ADAM22: variants seen among roughly 807,000 people sequenced by gnomAD.
ADAM22 encodes the protein ADAM metallopeptidase domain 22.
Under a neutral mutation model 144.6 loss-of-function variants are expected in ADAM22, and 65 were observed. The ratio of observed to expected loss-of-function variants is 0.45; its 90% CI spans 0.37 to 0.55. The LOEUF is 0.55. Among genes scored for constraint, ADAM22 ranks in the 20% least tolerant of loss-of-function variants. The probability of loss-of-function intolerance (pLI) is 0.00; values close to 1 mark genes in which losing one functional copy is unlikely to be tolerated. For synonymous variants in ADAM22, 391 were observed against 412.6 expected, an observed-to-expected ratio of 0.95 and a Z score of 0.63; for missense variants, 974 against 1,184.9, an observed-to-expected ratio of 0.82 and a Z score of 2.61.
At chr7:88,068,220 G>A (rs1057408410) in intron 3 of ADAM22, among the ~76,000 whole-genome samples, 22 of 152,062 alleles carry the variant, frequency 1.4e-4, no homozygotes, top group Admixed American at 1.4e-3. Flanking sequence ...GTGTTGGGGA[G>A]GGATTCAGAG....
At position 88,168,215 on chromosome 7, in the gene ADAM22, C is replaced by T. The variant is rs773391403; in HGVS notation, c.2270C>T (p.Ala757Val). Residue 757 changes from alanine (A) to valine (V), a missense_variant, in exon 25 of 32, where the codon GCG becomes GTG. Around this residue, in one of 2 missense-constraint regions of ADAM22, gnomAD observed 734 missense variants for 950.6 expected, o/e 0.77. Coordinates refer to ENST00000413139, the MANE Select transcript of ADAM22 (RefSeq NM_001324418.2). ...LVLALILGITAWGYKNYREQR... is the reference protein window; with the variant it reads ...LVLALILGITVWGYKNYREQR... ...CTGGCCCTCATATTAGGAATAACTG[C>T]GTGGGGTTATAAGTAAGTGAAATGT... The T allele has an allele frequency of 1.4e-5, 22 of 1,612,516 alleles. No individual in the cohort carries two copies. The highest frequency in any genetic ancestry group is 3.3e-5 in the Admixed American group (2 of 59,902).
intron 4 of ADAM22, among the ~76,000 whole-genome samples, chr7:88,102,625 T>G (rs946501740): frequency 6.6e-6 from 1 of 152,210 alleles, no homozygotes; most frequent in African/African-American, 2.4e-5. Context: ...CACGGAGTAT[T>G]TGTTACAATG....
chr7:88,189,606 G>A (rs1225981402), intron 30 of ADAM22, among the ~76,000 whole-genome samples: 1 of 152,172 alleles, frequency 6.6e-6, no homozygotes, highest in Non-Finnish European at 1.5e-5. Context: ...AAGTAGCAGA[G>A]TGGATACTGA....
rs1562916737 is a variant in ADAM22 at position 87,982,695 on chromosome 7, ATATAAT to A, written c.323+4285_323+4290del. On this transcript the variant is annotated intron_variant, in intron 3 of 31. Coordinates refer to ENST00000413139, the MANE Select transcript of ADAM22 (RefSeq NM_001324418.2). The stretch of plus-strand genomic sequence containing the variant: ...CATATATATATATATATATATATAT[ATATAAT>A]TTTTTTTTTTGAGATACAGTTTTGC... Among the ~76,000 whole-genome samples, 39 of 74,620 alleles carry A rather than the reference ATATAAT, an allele frequency of 5.2e-4. 3 individuals are homozygous for A. The highest frequency in any genetic ancestry group is 2.0e-3 in the South Asian group (6 of 2,938). 49.0% of individuals were successfully genotyped at this position (74,620 alleles called of 152,430 possible).
chr7:88,163,267 G>T, intron 23 of ADAM22, 87 bp downstream of exon 23: 2 of 1,114,748 alleles, frequency 1.8e-6, no homozygotes, highest in Non-Finnish European at 2.4e-6. Flanking sequence ...TCTTAATTAT[G>T]GAAAAAAATG....
intron 5 of ADAM22, among the ~76,000 whole-genome samples, chr7:88,114,039 T>C (rs188226482): frequency 6.6e-6 from 1 of 152,106 alleles, no homozygotes; most frequent in East Asian, 1.9e-4. Flanking sequence ...GTACTTCTCT[T>C]GTAGATTTGT....
intron 2 of ADAM22, among the ~76,000 whole-genome samples, chr7:87,975,834 A>G (rs1346614103): frequency 2.6e-5 from 4 of 152,202 alleles, no homozygotes; most frequent in Non-Finnish European, 5.9e-5. Context: ...TAATAGTCCT[A>G]CAATAAGGAT....
chr7:87,960,909 C>T (rs1847865745), intron 2 of ADAM22, among the ~76,000 whole-genome samples: 2 of 152,170 alleles, frequency 1.3e-5, no homozygotes, highest in Admixed American at 1.3e-4. Context: ...CTATGTGGCA[C>T]TGTTCTGTGC....
At chr7:88,113,672 A>G (rs1585844863) in intron 5 of ADAM22, among the ~76,000 whole-genome samples, 1 of 126,610 alleles carries the variant, frequency 7.9e-6, no homozygotes. Context: ...GTATATATAT[A>G]TATAATATAT....
chr7:87,993,658 A>T (rs1790430965), intron 3 of ADAM22, among the ~76,000 whole-genome samples: 1 of 152,158 alleles, frequency 6.6e-6, no homozygotes, highest in Non-Finnish European at 1.5e-5. Context: ...TCACCCTGAT[A>T]TCTTGGTTCT....
chr7:88,057,416 A>C (rs9969210), intron 3 of ADAM22, among the ~76,000 whole-genome samples: 4,501 of 152,324 alleles, frequency 0.03, 215 homozygotes, highest in African/African-American at 0.1. Flanking sequence ...GGAATTAAGG[A>C]AACTGTTTTT....
chr7:87,937,116 T>A (rs1296628537), intron 2 of ADAM22, among the ~76,000 whole-genome samples: 1 of 152,062 alleles, frequency 6.6e-6, no homozygotes, highest in African/African-American at 2.4e-5. Flanking sequence ...CCACCTTATC[T>A]GGCTAATTAA....
chr7:88,038,776 C>G (rs907703409), intron 3 of ADAM22, among the ~76,000 whole-genome samples: 5 of 150,766 alleles, frequency 3.3e-5, no homozygotes, highest in Middle Eastern at 3.5e-3. Flanking sequence ...GATATTTCTT[C>G]TTCTTCTTCT....
chr7:88,123,572 T>A (rs1172281919), intron 7 of ADAM22, among the ~76,000 whole-genome samples: 2 of 152,076 alleles, frequency 1.3e-5, no homozygotes, highest in East Asian at 3.8e-4. Context: ...CTTTCTTTAT[T>A]GGTCAAGCCC....
At chr7:87,955,961 G>A (rs542923107) in intron 2 of ADAM22, among the ~76,000 whole-genome samples, 3 of 152,210 alleles carry the variant, frequency 2.0e-5, no homozygotes, top group Non-Finnish European at 4.4e-5. Context: ...CTGGTGCGCC[G>A]TTTCCTAAGC....
At chr7:88,163,268 G>T in intron 23 of ADAM22, 88 bp downstream of exon 23, 1 of 1,111,886 alleles carries the variant, frequency 9.0e-7, no homozygotes, top group Non-Finnish European at 1.2e-6. Flanking sequence ...CTTAATTATG[G>T]AAAAAAATGA....
intron 3 of ADAM22, among the ~76,000 whole-genome samples, chr7:88,045,248 C>A (rs1179953328): frequency 1.3e-5 from 2 of 152,192 alleles, no homozygotes; most frequent in Admixed American, 6.5e-5. Context: ...AAACTCCTGA[C>A]TTCAGGCAAT....
intron 2 of ADAM22, among the ~76,000 whole-genome samples, chr7:87,944,837 T>G (rs1033334700): frequency 1.0e-3 from 152 of 151,674 alleles, no homozygotes; most frequent in Admixed American, 1.2e-3. Context: ...TTTTGTTTTT[T>G]TTTTTTTAGT....
chr7:88,034,310 G>C (rs1396835969), intron 3 of ADAM22, among the ~76,000 whole-genome samples: 1 of 152,104 alleles, frequency 6.6e-6, no homozygotes, highest in Non-Finnish European at 1.5e-5. Flanking sequence ...TTCCTTTTTG[G>C]GATAGCGTGT....
Sources: gnomAD v4.1 joint callset for allele counts (sites outside exome capture counted in the v4.1 genomes callset) on GRCh38, gnomAD v4.1.1 for gene constraint, gnomAD v4.1.1 regional missense constraint, MANE v1.5 for transcripts, NCBI Gene and HGNC (gene_info 2026-07-23, HGNC 2026-07-21) for gene names.